RALGAPA1: variants seen among roughly 807,000 people sequenced by gnomAD.
The protein encoded by RALGAPA1 is ral GTPase-activating protein subunit alpha-1.
In RALGAPA1, 52 loss-of-function variants were observed where a neutral mutation model predicts 269.6. The observed-to-expected ratio is 0.19, with a 90% CI of 0.15 to 0.24. The LOEUF is 0.24. Ranked by LOEUF, RALGAPA1 falls within the 10% of genes least tolerant of loss-of-function variation. RALGAPA1 has a pLI of 1.00. For synonymous variants in RALGAPA1, 817 were observed against 1,008.3 expected, an observed-to-expected ratio of 0.81 and a Z score of 3.60; for missense variants, 1,917 against 3,013.9, an observed-to-expected ratio of 0.64 and a Z score of 8.52.
chr14:35,778,923 C>T (rs972631557), intron 1 of RALGAPA1, among the ~76,000 whole-genome samples: 2 of 152,124 alleles, frequency 1.3e-5, no homozygotes, highest in Admixed American at 1.3e-4. Flanking sequence ...GAAATTAGTA[C>T]CATTATTATC....
intron 37 of RALGAPA1, among the ~76,000 whole-genome samples, chr14:35,589,163 A>G (rs1192045422): frequency 6.6e-6 from 1 of 152,212 alleles, no homozygotes; most frequent in Non-Finnish European, 1.5e-5. Flanking sequence ...ATAATGTCAT[A>G]TCCTTCATAA....
intron 10 of RALGAPA1, among the ~76,000 whole-genome samples, chr14:35,746,716 C>G (rs898254072): frequency 6.6e-6 from 1 of 151,850 alleles, no homozygotes; most frequent in Non-Finnish European, 1.5e-5. Context: ...AAATATATAA[C>G]AAATACACAC....
chr14:35,747,264 C>T (rs1022482107), intron 10 of RALGAPA1, among the ~76,000 whole-genome samples: 13 of 152,160 alleles, frequency 8.5e-5, no homozygotes, highest in African/African-American at 3.1e-4. Context: ...ATGTGATAAG[C>T]TTTGTCAACA....
chr14:35,649,429 G>A (rs2062665554), intron 31 of RALGAPA1, among the ~76,000 whole-genome samples: 4 of 152,124 alleles, frequency 2.6e-5, no homozygotes, highest in African/African-American at 9.7e-5. Flanking sequence ...TTTCACAGAA[G>A]TACCACGTTC....
chr14:35,808,589 T>G (rs1407315137), intron 1 of RALGAPA1, 141 bp downstream of exon 1: 2 of 819,284 alleles, frequency 2.4e-6, no homozygotes, highest in Non-Finnish European at 3.8e-6. Flanking sequence ...TCCGAATTAT[T>G]CACCCTCCCG....
At chr14:35,787,306 A>C (rs2075864756) in intron 1 of RALGAPA1, among the ~76,000 whole-genome samples, 1 of 152,204 alleles carries the variant, frequency 6.6e-6, no homozygotes, top group Non-Finnish European at 1.5e-5. Context: ...TATTAAACAC[A>C]TTTTATAAGA....
At chr14:35,613,385 TA>T (rs1184500222) in intron 35 of RALGAPA1, among the ~76,000 whole-genome samples, 2 of 152,162 alleles carry the variant, frequency 1.3e-5, no homozygotes, top group East Asian at 3.9e-4. Flanking sequence ...CCCAGTCACA[TA>T]ACCCAATTTA....
chr14:35,689,346 G>A lies in RALGAPA1; in HGVS notation c.3065C>T (p.Pro1022Leu), dbSNP rs2066275383. 8.1e-7 allele frequency: 1 copy of A among 1,232,124 alleles called. No individual in the cohort carries two copies. Among genetic ancestry groups the A allele is most frequent in the African/African-American group, 1.6e-5 (1 of 64,406 alleles). 76.3% of individuals were successfully genotyped at this position (1,232,124 alleles called of 1,614,324 possible). The change falls in exon 18 of 42, where the codon CCT becomes CTT. Residue 1022 changes from proline to leucine, a missense_variant. By Grantham distance (98) the Pro-to-Leu change is moderately conservative. Coordinates refer to ENST00000680220, the MANE Select transcript of RALGAPA1 (RefSeq NM_001346249.2). Reference sequence around the variant, plus strand: ...TCTAAAAAAACTGTCTGACTGGTTAGGTGCGATATTACTCATGAAGACAGC... The same window carrying A: ...TCTAAAAAAACTGTCTGACTGGTTAAGTGCGATATTACTCATGAAGACAGC... ...NSAVFMSNIA[P>L]NQSDSFFRTQ... is the part of the protein sequence containing the mutation.
chr14:35,706,077 C>T (rs1348720596), intron 16 of RALGAPA1, among the ~76,000 whole-genome samples: 2 of 152,160 alleles, frequency 1.3e-5, no homozygotes, highest in Non-Finnish European at 2.9e-5. Flanking sequence ...ATTTTCTCCC[C>T]ATCTGTGACT....
At chr14:35,765,913 T>G in intron 4 of RALGAPA1, 4 of 1,159,456 alleles carry the variant, frequency 3.4e-6, no homozygotes, top group Non-Finnish European at 5.1e-6. Flanking sequence ...GAGTTTGCTA[T>G]GAGATCTGGA....
chr14:35,656,035 C>T (rs557161226), intron 28 of RALGAPA1, 120 bp from the exon 29 acceptor site: 2 of 1,518,968 alleles, frequency 1.3e-6, no homozygotes, highest in African/African-American at 2.8e-5. Context: ...GAATTTGTTA[C>T]TCTATACATT....
chr14:35,659,068 A>G, intron 28 of RALGAPA1, 70 bp downstream of exon 28: 6 of 1,153,024 alleles, frequency 5.2e-6, no homozygotes, highest in Non-Finnish European at 6.2e-6. Context: ...GGGCTGCTAT[A>G]AAAATTCAGT....
At chr14:35,547,032 G>T (rs1453084823) in intron 41 of RALGAPA1, among the ~76,000 whole-genome samples, 2 of 152,056 alleles carry the variant, frequency 1.3e-5, no homozygotes, top group Admixed American at 6.6e-5. Context: ...AACGTATTCA[G>T]TAATACTGGC....
At chr14:35,557,719 T>C (rs2055765223) in intron 39 of RALGAPA1, among the ~76,000 whole-genome samples, 1 of 152,178 alleles carries the variant, frequency 6.6e-6, no homozygotes, top group Non-Finnish European at 1.5e-5. Context: ...ACACAGGATA[T>C]GGAATAGTAG....
At chr14:35,725,186 C>T (rs2140986507) in intron 13 of RALGAPA1, 33 bp from the exon 14 acceptor site, 2 of 1,489,790 alleles carry the variant, frequency 1.3e-6, no homozygotes, top group Non-Finnish European at 1.8e-6. Context: ...ATGTTTCCTT[C>T]TTGCATATGT....
chr14:35,657,689 ATTT>A (rs34883632), intron 28 of RALGAPA1, among the ~76,000 whole-genome samples: 3 of 145,264 alleles, frequency 2.1e-5, no homozygotes, highest in African/African-American at 5.1e-5. Context: ...ATATATATAT[ATTT>A]TTTTTTTTTT....
At chr14:35,734,703 A>T (rs1039276587) in intron 12 of RALGAPA1, among the ~76,000 whole-genome samples, 1 of 152,206 alleles carries the variant, frequency 6.6e-6, no homozygotes, top group African/African-American at 2.4e-5. Context: ...AACAGCTGGG[A>T]CTTAATTAAA....
chr14:35,795,648 A>G (rs1010810529), intron 1 of RALGAPA1, among the ~76,000 whole-genome samples: 2 of 152,138 alleles, frequency 1.3e-5, no homozygotes, highest in African/African-American at 4.8e-5. Flanking sequence ...ACTGTTTTCA[A>G]ATAACTTGAT....
chr14:35,735,906 G>T (rs79111861), intron 12 of RALGAPA1, among the ~76,000 whole-genome samples: 3,352 of 152,212 alleles, frequency 0.022, 125 homozygotes, highest in South Asian at 0.14. Flanking sequence ...ACTCTGAGGA[G>T]CAATGATGGC....
Sources: allele counts gnomAD v4.1 joint callset (sites outside exome capture counted in the v4.1 genomes callset), GRCh38; gene constraint gnomAD v4.1.1; transcripts MANE v1.5; gene names NCBI Gene and HGNC (gene_info 2026-07-23, HGNC 2026-07-21).